LARP4: variants seen among roughly 807,000 people sequenced by gnomAD.
LARP4 encodes la-related protein 4.
Under a neutral mutation model 92.9 loss-of-function variants are expected in LARP4, and 29 were observed. That is an observed-to-expected ratio of 0.31 (90% CI 0.23 to 0.43). The LOEUF (loss-of-function observed/expected upper bound fraction) is 0.43. Ranked by LOEUF, LARP4 falls within the 20% of genes least tolerant of loss-of-function variation. LARP4 has a pLI of 1.00. For synonymous variants in LARP4, 279 were observed against 284.1 expected, an observed-to-expected ratio of 0.98 and a Z score of 0.18; for missense variants, 732 against 860.0, an observed-to-expected ratio of 0.85 and a Z score of 1.86.
At chr12:50,445,554 T>G (rs559472176) in intron 8 of LARP4, among the ~76,000 whole-genome samples, 1 of 152,326 alleles carries the variant, frequency 6.6e-6, no homozygotes, top group African/African-American at 2.4e-5. Context: ...CTTTTTTTGG[T>G]ACTCCAATTT....
intron 6 of LARP4, 31 bp from the exon 7 acceptor site, chr12:50,440,408 T>G: frequency 6.7e-7 from 1 of 1,492,396 alleles, no homozygotes; most frequent in Non-Finnish European, 9.3e-7. Flanking sequence ...ATGTATTTTT[T>G]AGAGTTAACT....
chr12:50,429,394 G>C (rs958011490), intron 3 of LARP4, among the ~76,000 whole-genome samples: 1 of 151,988 alleles, frequency 6.6e-6, no homozygotes, highest in African/African-American at 2.4e-5. Context: ...CAGATCACTT[G>C]AGGTCAGGAG....
intron 7 of LARP4, 125 bp downstream of exon 7, chr12:50,440,674 CT>C: frequency 1.7e-6 from 1 of 591,826 alleles, no homozygotes; most frequent in Non-Finnish European, 3.0e-6. Flanking sequence ...CTTGGTCACC[CT>C]TTTGCTTTTG....
intron 8 of LARP4, 146 bp downstream of exon 8, chr12:50,441,789 C>T (rs369336991): frequency 1.5e-6 from 1 of 649,702 alleles, no homozygotes; most frequent in Non-Finnish European, 2.6e-6. Flanking sequence ...TGGCTCACAC[C>T]TGTGATCCCA....
intron 1 of LARP4, among the ~76,000 whole-genome samples, chr12:50,404,603 C>T (rs1342314582): frequency 1.3e-5 from 2 of 151,512 alleles, no homozygotes; most frequent in South Asian, 2.1e-4. Context: ...CTCTTGAGAC[C>T]GAGTCTCGCT....
intron 13 of LARP4, among the ~76,000 whole-genome samples, chr12:50,472,432 A>G (rs1243480863): frequency 2.0e-5 from 3 of 152,026 alleles, no homozygotes; most frequent in Non-Finnish European, 2.9e-5. Flanking sequence ...TTGTCTTTCT[A>G]TGACTGGTTT....
intron 1 of LARP4, among the ~76,000 whole-genome samples, chr12:50,426,721 GTGTGTGTGT>G (rs1228410731): frequency 7.6e-6 from 1 of 131,284 alleles, no homozygotes; most frequent in African/African-American, 3.2e-5. Flanking sequence ...GTGTGTGTGT[GTGTGTGTGT>G]GGTTTTTTTT....
At chr12:50,465,610 TG>T (rs915302750) in intron 12 of LARP4, among the ~76,000 whole-genome samples, 32 of 152,028 alleles carry the variant, frequency 2.1e-4, no homozygotes, top group Non-Finnish European at 4.1e-4. Flanking sequence ...CATAGAGTGG[TG>T]AAAGTGGTCT....
chr12:50,476,471 G>A lies in LARP4; in HGVS notation c.*607G>A, dbSNP rs1279400927. ...TTTGAAAACTGAATGTAATACTTGA[G>A]TAGATTTTTTTTTCTAGTTTGAAAT... On this transcript the variant is annotated 3_prime_UTR_variant, in exon 16 of 16. Transcript: ENST00000398473. The A allele has an allele frequency of 2.0e-5, 3 of 152,492 alleles. No individual in the cohort carries two copies. The highest frequency in any genetic ancestry group is 4.4e-5 in the Non-Finnish European group (3 of 68,014). The allele number at this position is 152,492 out of a possible 1,614,324, so 9.4% of individuals were successfully genotyped here.
At chr12:50,432,576 T>C (rs1297521611) in intron 4 of LARP4, among the ~76,000 whole-genome samples, 1 of 152,024 alleles carries the variant, frequency 6.6e-6, no homozygotes, top group Non-Finnish European at 1.5e-5. Flanking sequence ...TGGCAGTGTC[T>C]TGGCCTGGCG....
chr12:50,462,233 A>G (rs1204029324), intron 11 of LARP4, among the ~76,000 whole-genome samples: 1 of 152,168 alleles, frequency 6.6e-6, no homozygotes, highest in Non-Finnish European at 1.5e-5. Flanking sequence ...CTGTAATCCC[A>G]GCACTTTGGG....
intron 1 of LARP4, among the ~76,000 whole-genome samples, chr12:50,408,640 T>C (rs1225209725): frequency 6.6e-6 from 1 of 152,184 alleles, no homozygotes; most frequent in African/African-American, 2.4e-5. Context: ...CCTGCTATTT[T>C]GCCCTGGAAG....
At chr12:50,423,340 T>C (rs181055712) in intron 1 of LARP4, among the ~76,000 whole-genome samples, 1 of 152,336 alleles carries the variant, frequency 6.6e-6, no homozygotes, top group African/African-American at 2.4e-5. Context: ...TAACTTCACT[T>C]ACACAGTTAT....
chr12:50,445,225 G>C (rs1242169754), intron 8 of LARP4, among the ~76,000 whole-genome samples: 1 of 152,044 alleles, frequency 6.6e-6, no homozygotes, highest in African/African-American at 2.4e-5. Context: ...TATTTTCCAT[G>C]GATACAGAAT....
At chr12:50,457,445 G>C (rs991142737) in intron 10 of LARP4, among the ~76,000 whole-genome samples, 3 of 152,088 alleles carry the variant, frequency 2.0e-5, no homozygotes, top group African/African-American at 7.2e-5. Flanking sequence ...GACCTCAGGT[G>C]ATCTACCCGC....
In LARP4 at chr12:50,475,610, C is replaced by G. The variant is rs556835847; in HGVS notation, c.1921C>G (p.Leu641Val). The change falls in exon 16 of 16, where the codon CTT (leucine) becomes GTT (valine). Residue 641 changes from leucine to valine, a missense_variant. This residue lies in a region of LARP4 where 115 missense variants were observed against 129.1 expected (regional missense o/e 0.89). Coordinates refer to ENST00000398473, the MANE Select transcript of LARP4 (RefSeq NM_052879.5). ...SSVLVQPLRE[L>V]RSNVVSPTKN... ...AGTTCTTGTGCAGCCACTACGGGAA[C>G]TTCGCTCCAATGTGGTGTCTCCCAC... 1 of 1,614,042 alleles carries G rather than the reference C, an allele frequency of 6.2e-7. No individual in the cohort carries two copies. The highest frequency in any genetic ancestry group is 8.5e-7 in the Non-Finnish European group (1 of 1,180,050).
At chr12:50,473,175 C>T (rs1177238835) in intron 13 of LARP4, among the ~76,000 whole-genome samples, 6 of 152,158 alleles carry the variant, frequency 3.9e-5, no homozygotes, top group Non-Finnish European at 1.5e-5. Flanking sequence ...CATCATTTTA[C>T]ATTGCCACCC....
At position 50,476,163 on chromosome 12, in the gene LARP4, A is replaced by G. The variant is rs997650186; in HGVS notation, c.*299A>G. The G allele has an allele frequency of 1.0e-4, 16 of 157,712 alleles. No individual in the cohort carries two copies. The highest frequency in any genetic ancestry group is 3.6e-4 in the African/African-American group (15 of 41,596). The allele number at this position is 157,712 out of a possible 1,614,324, so 9.8% of individuals were successfully genotyped here. ...TTTTAATTTGCAGAGATTTGCTGCC[A>G]GGAATCAATTTTGAGGGTTCAGATT... On this transcript the variant is annotated 3_prime_UTR_variant, in exon 16 of 16. Transcript: ENST00000398473.
intron 8 of LARP4, among the ~76,000 whole-genome samples, chr12:50,445,916 T>A (rs566324733): frequency 1.3e-5 from 2 of 152,248 alleles, no homozygotes; most frequent in African/African-American, 4.8e-5. Flanking sequence ...GAGTCCTTAT[T>A]TTCCCTCCCT....
Sources: allele counts gnomAD v4.1 joint callset (sites outside exome capture counted in the v4.1 genomes callset), GRCh38; gene constraint gnomAD v4.1.1; regional missense constraint gnomAD v4.1.1; transcripts MANE v1.5; gene names NCBI Gene and HGNC (gene_info 2026-07-23, HGNC 2026-07-21).